BTAF1: variants seen among roughly 807,000 people sequenced by gnomAD.
The protein encoded by BTAF1 is B-TFIID TATA-box binding protein associated factor 1.
In BTAF1, 38 loss-of-function variants were observed where a neutral mutation model predicts 227.1. That is an observed-to-expected ratio of 0.17 (90% CI 0.13 to 0.22). The LOEUF is 0.22. Among genes scored for constraint, BTAF1 ranks in the 10% least tolerant of loss-of-function variants. BTAF1 has a pLI of 1.00. For missense variants in BTAF1, 1,598 were observed against 2,204.0 expected, an observed-to-expected ratio of 0.73 and a Z score of 5.51; for synonymous variants, 742 against 751.9, an observed-to-expected ratio of 0.99 and a Z score of 0.21.
intron 19 of BTAF1, among the ~76,000 whole-genome samples, chr10:91,986,085 G>C (rs1848374830): frequency 6.6e-6 from 1 of 150,838 alleles, no homozygotes; most frequent in Non-Finnish European, 1.5e-5. Flanking sequence ...TTGAAGTTTT[G>C]TCATTTAGTT....
At chr10:91,979,838 G>A (rs1283269774) in intron 14 of BTAF1, among the ~76,000 whole-genome samples, 6 of 152,208 alleles carry the variant, frequency 3.9e-5, no homozygotes, top group Admixed American at 1.3e-4. Flanking sequence ...CCAGGCTTTA[G>A]GAGATCCCTG....
chr10:91,935,815 A>C (rs1288570055), intron 2 of BTAF1, 35 bp downstream of exon 2: 1 of 1,524,810 alleles, frequency 6.6e-7, no homozygotes, highest in Non-Finnish European at 8.9e-7. Flanking sequence ...GCATAATACA[A>C]TTGTAGAGAC....
rs562598923 is a variant in BTAF1 at position 91,981,914 on chromosome 10, C to T, written c.1905+122C>T. On this transcript the variant is annotated intron_variant, in intron 16 of 37. Transcript: ENST00000265990. ...TTAATTAACATAAGTAAGGAGAAAC[C>T]GTTATTTTATTAGGACCCTGACAAA... 2.4e-4 allele frequency: 332 copies of T among 1,359,908 alleles called. 2 individuals are homozygous for T. The highest frequency in any genetic ancestry group is 1.1e-3 in the South Asian group (66 of 62,250). 84.2% of individuals were successfully genotyped at this position (1,359,908 alleles called of 1,614,324 possible). A position where few individuals can be genotyped will look rare whatever the true frequency, so the allele number is the denominator to read the frequency against.
rs757144701 is a variant in BTAF1, at chr10:91,953,879, A to T, written c.701+6A>T. ...GTGGAAACTAATGAGAAGAGGTAGT[A>T]ATCTTTTTTTGCCTATTCACTTAAA... On this transcript the variant is annotated splice_donor_region_variant and intron_variant, in intron 6 of 37. Coordinates refer to ENST00000265990, the MANE Select transcript of BTAF1 (RefSeq NM_003972.3). 1.9e-6 allele frequency: 3 copies of T among 1,613,138 alleles called. No individual in the cohort carries two copies. In the South Asian group the frequency reaches 3.3e-5, roughly 18 times the overall value.
At chr10:92,022,245 G>A (rs542504101) in intron 34 of BTAF1, among the ~76,000 whole-genome samples, 64 of 152,302 alleles carry the variant, frequency 4.2e-4, no homozygotes, top group African/African-American at 1.4e-3. Context: ...TGTCTGGTAA[G>A]TATGGTCTTG....
intron 25 of BTAF1, among the ~76,000 whole-genome samples, chr10:92,007,668 C>T (rs1160251809): frequency 3.3e-5 from 5 of 152,222 alleles, no homozygotes; most frequent in Non-Finnish European, 7.3e-5. Context: ...ACTTTTGTAA[C>T]ATCTACGCAG....
intron 8 of BTAF1, 65 bp from the exon 9 acceptor site, chr10:91,959,000 A>G: frequency 6.9e-7 from 1 of 1,439,458 alleles, no homozygotes. Context: ...TTTCGTATAG[A>G]AGAAAAATCA....
In BTAF1 at chr10:91,964,779, T is replaced by G. The variant is rs540050294; in HGVS notation, c.1529+578T>G. Among the ~76,000 whole-genome samples, 3 of 152,288 alleles carry G rather than the reference T, an allele frequency of 2.0e-5. No homozygotes were observed. The East Asian group carries it at 5.8e-4, about 29-fold the overall frequency. On this transcript the variant is annotated intron_variant, in intron 13 of 37. Coordinates refer to ENST00000265990, the MANE Select transcript of BTAF1 (RefSeq NM_003972.3). ...CCTGTCCTGATATATGAATCTCAGC[T>G]CAGCGAATTAACATATTCCCTACCT...
chr10:92,014,179 A>C (rs1413041014), intron 32 of BTAF1, 150 bp downstream of exon 32: 1 of 873,298 alleles, frequency 1.1e-6, no homozygotes, highest in African/African-American at 1.7e-5. Flanking sequence ...GTTTGAGTGT[A>C]TGCATTTTGA....
At chr10:91,971,205 A>G (rs2133940692) in intron 14 of BTAF1, among the ~76,000 whole-genome samples, 2 of 152,142 alleles carry the variant, frequency 1.3e-5, no homozygotes, top group Middle Eastern at 6.8e-3. Flanking sequence ...CATTCATGAA[A>G]TTTCACTTGT....
Position 91,989,599 on chromosome 10 carries a change from A to T in BTAF1, c.2854+19A>T. On this transcript the variant is annotated intron_variant, in intron 20 of 37. Transcript: ENST00000265990. ...TCTAAAGGTATATACCTAAACTTTT[A>T]TTTGGGGTAGAGAAATAACCTTTTA... 6.4e-7 allele frequency: 1 copy of T among 1,551,696 alleles called. No homozygotes were observed. The highest frequency in any genetic ancestry group is 8.7e-7 in the Non-Finnish European group (1 of 1,153,130).
At chr10:91,944,336 A>C (rs1845218968) in intron 4 of BTAF1, among the ~76,000 whole-genome samples, 1 of 152,172 alleles carries the variant, frequency 6.6e-6, no homozygotes, top group Non-Finnish European at 1.5e-5. Context: ...CCCCTCATAT[A>C]TATTAATGAC....
At chr10:91,990,872 C>G (rs916128950) in intron 20 of BTAF1, among the ~76,000 whole-genome samples, 5 of 151,908 alleles carry the variant, frequency 3.3e-5, no homozygotes, top group African/African-American at 1.2e-4. Context: ...TTTAGGAGGT[C>G]GAGGTGAGCA....
At position 92,027,413 on chromosome 10, in the gene BTAF1, A is replaced by G. The variant is rs150530782; in HGVS notation, c.5406+113A>G. ...CGTTTACTTTAGTATCCATGAGATC[A>G]CCACTGGAGGGAATTTTTGGTGCCT... On this transcript the variant is annotated intron_variant, in intron 37 of 37. Coordinates refer to ENST00000265990, the MANE Select transcript of BTAF1 (RefSeq NM_003972.3). 6.4e-6 allele frequency: 6 copies of G among 943,842 alleles called. 1 individual carries two copies. The East Asian group carries it at 1.5e-4, about 24-fold the overall frequency. The allele number at this position is 943,842 out of a possible 1,614,324, so 58.5% of individuals were successfully genotyped here. A position where few individuals can be genotyped will look rare whatever the true frequency, so the allele number is the denominator to read the frequency against.
chr10:92,011,179 T>G (rs1217151981), intron 29 of BTAF1, 29 bp downstream of exon 29: 2 of 1,536,672 alleles, frequency 1.3e-6, no homozygotes, highest in Non-Finnish European at 1.8e-6. Flanking sequence ...TTTAGAAAAA[T>G]TAATATCAAA....
chr10:91,991,080 A>T (rs1228552221), intron 20 of BTAF1, among the ~76,000 whole-genome samples: 3 of 150,604 alleles, frequency 2.0e-5, no homozygotes, highest in Admixed American at 6.6e-5. Context: ...CCCCGTCTGT[A>T]CTAAAAATAC....
At chr10:91,940,137 T>C in intron 3 of BTAF1, 71 bp downstream of exon 3, 1 of 948,790 alleles carries the variant, frequency 1.1e-6, no homozygotes, top group Non-Finnish European at 1.6e-6. Flanking sequence ...ATGCGTTTTG[T>C]ATTTTAATAA....
chr10:91,944,356 G>A (rs1845220429), intron 4 of BTAF1, among the ~76,000 whole-genome samples: 1 of 152,100 alleles, frequency 6.6e-6, no homozygotes, highest in Non-Finnish European at 1.5e-5. Flanking sequence ...CACCATATAT[G>A]ATTAGTATAC....
chr10:91,962,605 A>G lies in BTAF1; in HGVS notation c.1331A>G (p.Asp444Gly). The change falls in exon 12 of 38, where the codon GAT becomes GGT. Residue 444 changes from aspartate to glycine, a missense_variant. Physicochemically the swap from Asp to Gly is moderately conservative, Grantham distance 94. Around this residue, in one of 10 missense-constraint regions of BTAF1, gnomAD observed 4 missense variants for 24.9 expected, o/e 0.16. Coordinates refer to ENST00000265990, the MANE Select transcript of BTAF1 (RefSeq NM_003972.3). ...ATTGAAGGACTCCAGGATCTTGATGATGATGTCAGAGCTGTTGCTGCAGCA... is the reference window on the plus strand; with the variant it reads ...ATTGAAGGACTCCAGGATCTTGATGGTGATGTCAGAGCTGTTGCTGCAGCA... ...RIIEGLQDLD[D>G]DVRAVAAASL... is the part of the protein sequence containing the mutation. 6.2e-7 allele frequency: 1 copy of G among 1,610,968 alleles called. No homozygotes were observed. The highest frequency in any genetic ancestry group is 8.5e-7 in the Non-Finnish European group (1 of 1,177,870).
Sources: allele counts gnomAD v4.1 joint callset (sites outside exome capture counted in the v4.1 genomes callset), GRCh38; gene constraint gnomAD v4.1.1; regional missense constraint gnomAD v4.1.1; transcripts MANE v1.5; gene names NCBI Gene and HGNC (gene_info 2026-07-23, HGNC 2026-07-21).